The following SVEP1 variants were observed in gnomAD, a reference collection of about 807,000 sequenced individuals.
SVEP1 encodes sushi, von Willebrand factor type A, EGF and pentraxin domain containing 1.
SVEP1 carries 164 observed loss-of-function variants against 367.3 expected under a neutral mutation model. The observed-to-expected ratio is 0.45, with a 90% CI of 0.39 to 0.51. SVEP1 has a LOEUF of 0.51. Ranked by LOEUF, SVEP1 falls within the 20% of genes least tolerant of loss-of-function variation. The pLI, the probability that SVEP1 is intolerant of heterozygous loss-of-function variation, is 0.00. For missense variants in SVEP1, 4,117 were observed against 4,425.3 expected (o/e 0.93, Z 1.98); for synonymous variants, 1,666 against 1,611.6 (o/e 1.03, Z -0.81).
chr9:110,369,931 G>C lies in SVEP1; in HGVS notation c.10686C>G (p.Asn3562Lys). The change falls in exon 47 of 48, where the codon AAC becomes AAG. Residue 3562 changes from asparagine to lysine, a missense_variant. Transcript: ENST00000374469. ...GTTTTTGGTTATCTTACCTGGAACA[G>C]TTATGTCCCGTCCAAGAAGAAAGAC... is the stretch of plus-strand genomic sequence containing the variant. Reference protein sequence around the residue: ...CHCLSSWTGHNCSRKRRTGF With the variant: ...CHCLSSWTGHKCSRKRRTGF 1.2e-6 allele frequency: 2 copies of C among 1,612,708 alleles called. No individual in the cohort carries two copies. Among genetic ancestry groups the C allele is most frequent in the Non-Finnish European group, 1.7e-6 (2 of 1,179,212 alleles).
intron 40 of SVEP1, among the ~76,000 whole-genome samples, chr9:110,391,882 T>C (rs1438712584): frequency 6.6e-6 from 1 of 152,046 alleles, no homozygotes. Flanking sequence ...GTGGGGGGCA[T>C]CTTCCAAAAC....
At chr9:110,514,643 G>T (rs2118779979) in intron 3 of SVEP1, among the ~76,000 whole-genome samples, 1 of 152,194 alleles carries the variant, frequency 6.6e-6, no homozygotes, top group East Asian at 1.9e-4. Context: ...GGCCTCTTAT[G>T]TCCCACAATT....
chr9:110,503,173 T>G lies in SVEP1; in HGVS notation c.1348A>C (p.Ser450Arg), dbSNP rs1178567095. 1 of 1,613,864 alleles carries G rather than the reference T, an allele frequency of 6.2e-7. No homozygotes were observed. Among genetic ancestry groups the G allele is most frequent in the South Asian group, 1.1e-5 (1 of 91,022 alleles). ...TATAACATTTCCCTTGTAGAACAGC[T>G]GATGTGGCCATGTTTCGGCTGGCGG... ...HLRQPKHGHISCSTREMLYKT... is the reference protein window; with the variant it reads ...HLRQPKHGHIRCSTREMLYKT... Residue 450 changes from serine (S) to arginine (R), a missense_variant, in exon 6 of 48, where the codon AGC becomes CGC. This residue lies in a region of SVEP1 where 2,174 missense variants were observed against 2,494.3 expected (regional missense o/e 0.87). Transcript: ENST00000374469.
chr9:110,545,373 C>T (rs1207058729), intron 3 of SVEP1, among the ~76,000 whole-genome samples: 1 of 152,208 alleles, frequency 6.6e-6, no homozygotes, highest in East Asian at 1.9e-4. Flanking sequence ...TGCTAATTCA[C>T]ATTCCCACCA....
intron 40 of SVEP1, among the ~76,000 whole-genome samples, chr9:110,398,373 C>T (rs1044807699): frequency 2.6e-5 from 4 of 152,192 alleles, no homozygotes; most frequent in Non-Finnish European, 4.4e-5. Context: ...AATGTTAGAC[C>T]TAAAACCATA....
At chr9:110,413,317 C>G (rs888777869) in intron 36 of SVEP1, among the ~76,000 whole-genome samples, 19 of 148,256 alleles carry the variant, frequency 1.3e-4, no homozygotes, top group Admixed American at 1.0e-3. Flanking sequence ...CGCATATTCT[C>G]ACTTATAGGT....
Position 110,459,086 on chromosome 9 carries a change from C to T in SVEP1, c.3350G>A (p.Arg1117His), listed in dbSNP as rs375405158. 42 of 1,613,618 alleles carry T rather than the reference C, an allele frequency of 2.6e-5. No individual in the cohort carries two copies. The South Asian group carries it at 3.0e-4, about 11-fold the overall frequency. The part of the protein sequence containing the change: ...GVPCPEGKFS[R>H]SGLMPCHPCP... ...TGGGTGACAGGGCATTAACCCAGAA[C>T]GCGAGAATTTTCCTTCTGGACAAGG... is the stretch of plus-strand genomic sequence containing the variant. Residue 1117 changes from arginine to histidine, a missense_variant, in exon 19 of 48, where the codon CGT becomes CAT. Around this residue, in one of 4 missense-constraint regions of SVEP1, gnomAD observed 2,174 missense variants for 2,494.3 expected, o/e 0.87. Coordinates refer to ENST00000374469, the MANE Select transcript of SVEP1 (RefSeq NM_153366.4).
intron 1 of SVEP1, among the ~76,000 whole-genome samples, chr9:110,565,208 C>G (rs189797512): frequency 6.6e-6 from 1 of 152,214 alleles, no homozygotes; most frequent in Admixed American, 6.5e-5. Context: ...TGCAGGGGAA[C>G]GCTGAGTAAC....
Position 110,366,404 on chromosome 9 carries a change from G to A in SVEP1, c.*135C>T. The A allele has an allele frequency of 1.3e-6, 1 of 796,800 alleles. No homozygotes were observed. The highest frequency in any genetic ancestry group is 3.1e-5 in the East Asian group (1 of 32,622). The allele number at this position is 796,800 out of a possible 1,614,324, so 49.4% of individuals were successfully genotyped here. A position where few individuals can be genotyped will look rare whatever the true frequency, so the allele number is the denominator to read the frequency against. ...CAAAATATATCACAAAATAAAAAAA[G>A]TAACCCCAAGTAACAAGTTTACTAA... On this transcript the variant is annotated 3_prime_UTR_variant, in exon 48 of 48. Coordinates refer to ENST00000374469, the MANE Select transcript of SVEP1 (RefSeq NM_153366.4).
At chr9:110,542,253 T>C (rs1476272442) in intron 3 of SVEP1, among the ~76,000 whole-genome samples, 1 of 152,124 alleles carries the variant, frequency 6.6e-6, no homozygotes, top group Non-Finnish European at 1.5e-5. Context: ...TCTGGGGTTC[T>C]TCCCGGGGTT....
chr9:110,534,426 T>C (rs1830056341), intron 3 of SVEP1, among the ~76,000 whole-genome samples: 1 of 152,158 alleles, frequency 6.6e-6, no homozygotes, highest in Non-Finnish European at 1.5e-5. Flanking sequence ...TCCAATGTCA[T>C]TGATGGGCAT....
intron 1 of SVEP1, among the ~76,000 whole-genome samples, chr9:110,571,707 G>A (rs1830565188): frequency 6.6e-6 from 1 of 152,080 alleles, no homozygotes; most frequent in African/African-American, 2.4e-5. Flanking sequence ...CATCATCTAG[G>A]GGGTTAACAC....
At position 110,465,854 on chromosome 9, in the gene SVEP1, G is replaced by A. The variant is rs746585698; in HGVS notation, c.3322+11C>T. 12 of 1,610,638 alleles carry A rather than the reference G, an allele frequency of 7.5e-6. No homozygotes were observed. The Admixed American group carries it at 1.7e-4, about 22-fold the overall frequency. ...GTTTAAAGAAATATCAATGTCTAAGGCTTTGATAACCTCCACATGCAGAAA... is the reference window on the plus strand; with the variant it reads ...GTTTAAAGAAATATCAATGTCTAAGACTTTGATAACCTCCACATGCAGAAA... On this transcript the variant is annotated intron_variant, in intron 18 of 47. Coordinates refer to ENST00000374469, the MANE Select transcript of SVEP1 (RefSeq NM_153366.4).
intron 3 of SVEP1, 85 bp from the exon 4 acceptor site, chr9:110,514,191 G>T (rs1198570586): frequency 6.6e-7 from 1 of 1,512,646 alleles, no homozygotes; most frequent in Admixed American, 2.0e-5. Context: ...ATATGGGAGA[G>T]AAAGCCAAAC....
At chr9:110,449,206 C>T (rs1056608375) in intron 24 of SVEP1, among the ~76,000 whole-genome samples, 2 of 152,134 alleles carry the variant, frequency 1.3e-5, no homozygotes, top group African/African-American at 4.8e-5. Flanking sequence ...ATTCTACTGG[C>T]ACCTAAGAGC....
At chr9:110,438,023 TTTTTA>T (rs1156694272) in intron 27 of SVEP1, among the ~76,000 whole-genome samples, 2 of 152,146 alleles carry the variant, frequency 1.3e-5, no homozygotes, top group African/African-American at 4.8e-5. Flanking sequence ...TTCTTTCCAG[TTTTTA>T]TTTTGTTTTA....
intron 9 of SVEP1, 60 bp downstream of exon 9, chr9:110,489,590 A>G (rs965637725): frequency 1.3e-6 from 2 of 1,525,802 alleles, no homozygotes; most frequent in Non-Finnish European, 1.8e-6. Flanking sequence ...CATGGGAATT[A>G]TGGGAGCCAC....
intron 1 of SVEP1, among the ~76,000 whole-genome samples, chr9:110,563,441 T>A (rs1011886685): frequency 1.3e-5 from 2 of 152,162 alleles, no homozygotes; most frequent in African/African-American, 2.4e-5. Context: ...TAGAGAAACA[T>A]GCAAATAGAA....
rs758908838 is a variant in SVEP1 at position 110,365,945 on chromosome 9, A to G, written c.*594T>C. On this transcript the variant is annotated 3_prime_UTR_variant, in exon 48 of 48. Coordinates refer to ENST00000374469, the MANE Select transcript of SVEP1 (RefSeq NM_153366.4). The stretch of plus-strand genomic sequence containing the variant: ...TAGCCAGGCTACCCTAAGTACCAGG[A>G]CATAATTATGTGGTGGAGAGTACCA... 2.0e-5 allele frequency: 3 copies of G among 152,246 alleles called. No homozygotes were observed. The highest frequency in any genetic ancestry group is 4.4e-5 in the Non-Finnish European group (3 of 68,058). The allele number at this position is 152,246 out of a possible 1,614,324, so 9.4% of individuals were successfully genotyped here. A position where few individuals can be genotyped will look rare whatever the true frequency, so the allele number is the denominator to read the frequency against.
Sources: allele counts gnomAD v4.1 joint callset (sites outside exome capture counted in the v4.1 genomes callset), GRCh38; gene constraint gnomAD v4.1.1; regional missense constraint gnomAD v4.1.1; transcripts MANE v1.5; gene names NCBI Gene and HGNC (gene_info 2026-07-23, HGNC 2026-07-21).